FRAS1: variants seen among roughly 807,000 people sequenced by gnomAD.
The protein encoded by FRAS1 is extracellular matrix organizing protein FRAS1.
A neutral mutation model predicts 435.2 loss-of-function variants in FRAS1; 290 were observed. The observed-to-expected ratio is 0.67, with a 90% confidence interval of 0.61 to 0.73. FRAS1 has a LOEUF of 0.73. FRAS1 is among the 30% of genes least tolerant of loss of function. FRAS1 has a pLI of 0.00. For synonymous variants in FRAS1, 1,800 were observed against 1,851.0 expected, an observed-to-expected ratio of 0.97 and a Z score of 0.71; for missense variants, 4,860 against 5,001.5, an observed-to-expected ratio of 0.97 and a Z score of 0.85.
chr4:78,059,176 G>T (rs1362100512), intron 1 of FRAS1, among the ~76,000 whole-genome samples: 1 of 152,196 alleles, frequency 6.6e-6, no homozygotes, highest in Non-Finnish European at 1.5e-5. Context: ...AGGGGCGCGG[G>T]GCGGCTCCCG....
chr4:78,469,630 G>T (rs1578342743), intron 50 of FRAS1, among the ~76,000 whole-genome samples: 1 of 123,216 alleles, frequency 8.1e-6, no homozygotes, highest in African/African-American at 3.9e-5. Context: ...GAAAAGTACT[G>T]TTTGGTTTTT....
chr4:78,168,731 T>G (rs982100377), intron 2 of FRAS1, among the ~76,000 whole-genome samples: 1 of 152,062 alleles, frequency 6.6e-6, no homozygotes, highest in Non-Finnish European at 1.5e-5. Flanking sequence ...GAAGAAAAAT[T>G]AAAAGATGGT....
At chr4:78,277,852 C>T (rs939036817) in intron 9 of FRAS1, among the ~76,000 whole-genome samples, 1 of 151,586 alleles carries the variant, frequency 6.6e-6, no homozygotes. Flanking sequence ...CTCACTGTCA[C>T]CCAGGCTGGA....
chr4:78,268,704 GT>G (rs1726496629), intron 9 of FRAS1, among the ~76,000 whole-genome samples: 1 of 152,186 alleles, frequency 6.6e-6, no homozygotes, highest in South Asian at 2.1e-4. Context: ...ACAGAAAATT[GT>G]TTAGCACATA....
chr4:78,328,009 C>G (rs1443664460), intron 18 of FRAS1, among the ~76,000 whole-genome samples: 1 of 152,150 alleles, frequency 6.6e-6, no homozygotes, highest in Non-Finnish European at 1.5e-5. Flanking sequence ...AGTTCATTAT[C>G]TAGTTAGTTC....
chr4:78,079,212 G>C (rs1240368838), intron 2 of FRAS1, among the ~76,000 whole-genome samples: 5 of 152,040 alleles, frequency 3.3e-5, no homozygotes, highest in African/African-American at 4.8e-5. Flanking sequence ...TGTGATTGGG[G>C]TCTCATAAGG....
intron 14 of FRAS1, among the ~76,000 whole-genome samples, chr4:78,301,846 GTTTTT>G (rs59794614): frequency 9.6e-6 from 1 of 103,936 alleles, no homozygotes; most frequent in African/African-American, 3.7e-5. Context: ...CACAGAAACA[GTTTTT>G]TTTTTTTTTT....
intron 32 of FRAS1, among the ~76,000 whole-genome samples, chr4:78,414,767 A>G (rs1198500417): frequency 2.6e-5 from 4 of 152,210 alleles, no homozygotes; most frequent in Non-Finnish European, 5.9e-5. Flanking sequence ...CTCCTAATGT[A>G]TGTTAAGTGC....
intron 14 of FRAS1, among the ~76,000 whole-genome samples, chr4:78,295,065 A>G (rs566557985): frequency 3.6e-4 from 54 of 151,082 alleles, no homozygotes; most frequent in Non-Finnish European, 6.2e-4. Flanking sequence ...TGCTTGCTTT[A>G]TGTTATTACT....
At chr4:78,497,878 C>T (rs1015759079) in intron 60 of FRAS1, among the ~76,000 whole-genome samples, 6 of 152,168 alleles carry the variant, frequency 3.9e-5, no homozygotes, top group African/African-American at 1.4e-4. Flanking sequence ...TAGTCCTTGA[C>T]CCCAGGAGAC....
chr4:78,098,142 T>G (rs1741909443), intron 2 of FRAS1, among the ~76,000 whole-genome samples: 1 of 152,150 alleles, frequency 6.6e-6, no homozygotes, highest in Non-Finnish European at 1.5e-5. Context: ...ATGTTAAAAA[T>G]GCAAAAATAG....
chr4:78,464,506 T>G lies in FRAS1; in HGVS notation c.6952T>G (p.Leu2318Val). ...TGATTCGCTGCCCGTCGTACAGAAC[T>G]TAGGAATGCGGGTGCAGGAGGGCAT... ...VDDSLPVVQN[L>V]GMRVQEGMRK... The change falls in exon 49 of 74, where the codon TTA becomes GTA. Residue 2318 changes from leucine to valine, a missense_variant. By Grantham distance (32) the Leu-to-Val change is conservative. Coordinates refer to ENST00000512123, the MANE Select transcript of FRAS1 (RefSeq NM_025074.7). 1 of 1,613,960 alleles carries G rather than the reference T, an allele frequency of 6.2e-7. No individual in the cohort carries two copies. Among genetic ancestry groups the G allele is most frequent in the Non-Finnish European group, 8.5e-7 (1 of 1,179,854 alleles).
intron 15 of FRAS1, among the ~76,000 whole-genome samples, chr4:78,311,721 A>T (rs1220974144): frequency 1.3e-5 from 2 of 152,192 alleles, no homozygotes. Flanking sequence ...CCTTGCCACC[A>T]CTTGGCATGA....
At chr4:78,384,228 A>C in intron 28 of FRAS1, 85 bp downstream of exon 28, 2 of 966,632 alleles carry the variant, frequency 2.1e-6, no homozygotes, top group Non-Finnish European at 1.6e-6. Flanking sequence ...GGATTTAATG[A>C]AAATTATTGC....
At chr4:78,115,110 T>A (rs1389754599) in intron 2 of FRAS1, among the ~76,000 whole-genome samples, 1 of 151,930 alleles carries the variant, frequency 6.6e-6, no homozygotes, top group Non-Finnish European at 1.5e-5. Flanking sequence ...TCTTTGGTTC[T>A]GTTTATATGC....
intron 11 of FRAS1, 21 bp from the exon 12 acceptor site, chr4:78,282,799 G>C (rs986184026): frequency 1.9e-6 from 3 of 1,612,334 alleles, no homozygotes; most frequent in Admixed American, 3.3e-5. Flanking sequence ...TGACAATGCT[G>C]TTCTTCACTT....
chr4:78,136,363 G>A (rs1267781433), intron 2 of FRAS1, among the ~76,000 whole-genome samples: 1 of 152,178 alleles, frequency 6.6e-6, no homozygotes, highest in Non-Finnish European at 1.5e-5. Flanking sequence ...CTCTGTGCAT[G>A]TCCATCAATG....
chr4:78,180,065 C>T (rs1223929183), intron 2 of FRAS1, among the ~76,000 whole-genome samples: 1 of 152,172 alleles, frequency 6.6e-6, no homozygotes, highest in Non-Finnish European at 1.5e-5. Flanking sequence ...TACGAGGTTC[C>T]TAGTCTAGTG....
chr4:78,249,066 T>TATATATATATATATATATATATGC (rs1725400113), intron 4 of FRAS1, among the ~76,000 whole-genome samples: 1 of 97,328 alleles, frequency 1.0e-5, no homozygotes, highest in African/African-American at 3.6e-5. Flanking sequence ...TATATATGCA[T>TATATATATATATATATATATATGC]ATATATATAT....
Sources: allele counts gnomAD v4.1 joint callset (sites outside exome capture counted in the v4.1 genomes callset), GRCh38; gene constraint gnomAD v4.1.1; transcripts MANE v1.5; gene names NCBI Gene and HGNC (gene_info 2026-07-23, HGNC 2026-07-21).